Variants in PBX3 observed in about 807,000 individuals in gnomAD.
PBX3 encodes pre-B-cell leukemia transcription factor 3.
Under a neutral mutation model 48.5 loss-of-function variants are expected in PBX3, and 14 were observed. The observed-to-expected ratio is 0.29, with a 90% CI of 0.19 to 0.45. The LOEUF (loss-of-function observed/expected upper bound fraction) is 0.45. Among genes scored for constraint, PBX3 ranks in the 20% least tolerant of loss-of-function variants. The pLI is 1.00. For missense variants in PBX3, 386 were observed against 546.7 expected (o/e 0.71, Z 2.93); for synonymous variants, 210 against 200.3 (o/e 1.05, Z -0.41).
At chr9:125,855,386 CAT>C (rs774033574) in intron 2 of PBX3, among the ~76,000 whole-genome samples, 1 of 151,954 alleles carries the variant, frequency 6.6e-6, no homozygotes, top group African/African-American at 2.4e-5. Context: ...AATCTAGTAA[CAT>C]ATTTACAGAA....
At chr9:125,844,068 A>G (rs932229291) in intron 2 of PBX3, among the ~76,000 whole-genome samples, 2 of 152,140 alleles carry the variant, frequency 1.3e-5, no homozygotes, top group Non-Finnish European at 2.9e-5. Context: ...ATAAAATGAA[A>G]GTGACATAAA....
intron 2 of PBX3, among the ~76,000 whole-genome samples, chr9:125,863,826 A>G (rs760411540): frequency 5.3e-5 from 8 of 151,984 alleles, no homozygotes; most frequent in African/African-American, 9.7e-5. Flanking sequence ...TTCTCTTTTT[A>G]CTAATCATAC....
At chr9:125,911,548 C>T (rs574863074) in intron 2 of PBX3, among the ~76,000 whole-genome samples, 1 of 152,028 alleles carries the variant, frequency 6.6e-6, no homozygotes, top group Non-Finnish European at 1.5e-5. Context: ...TCGCTTATTT[C>T]AAAGCAGTCA....
chr9:125,796,901 C>T (rs572753954), intron 2 of PBX3, among the ~76,000 whole-genome samples: 45 of 152,064 alleles, frequency 3.0e-4, no homozygotes, highest in African/African-American at 1.1e-3. Flanking sequence ...CACCAATGCC[C>T]TCTTATATTT....
chr9:125,956,368 A>G (rs537434254), intron 5 of PBX3, among the ~76,000 whole-genome samples: 1 of 152,368 alleles, frequency 6.6e-6, no homozygotes, highest in East Asian at 1.9e-4. Flanking sequence ...GATAATGAGT[A>G]AAAGCTTTTT....
In PBX3 at chr9:125,780,799, C is replaced by T. The variant is rs1474455742; in HGVS notation, c.274+32176C>T. On this transcript the variant is annotated intron_variant, in intron 2 of 8. Transcript: ENST00000373489. ...CTGACCCCCCCACCTCCCTCCCGGA[C>T]GGGGCGGCTGCCGGGCGGAGACGCT... 2.2e-4 allele frequency among the ~76,000 whole-genome samples: 31 copies of T among 143,950 alleles called. No homozygotes were observed. The East Asian group carries it at 5.0e-3, about 23-fold the overall frequency. The allele number at this position is 143,950 out of a possible 152,430, so 94.4% of individuals were successfully genotyped here. A position where few individuals can be genotyped will look rare whatever the true frequency, so the allele number is the denominator to read the frequency against.
intron 2 of PBX3, among the ~76,000 whole-genome samples, chr9:125,781,255 C>A (rs997664189): frequency 6.6e-6 from 1 of 151,400 alleles, no homozygotes; most frequent in African/African-American, 2.4e-5. Context: ...AACCAGACTC[C>A]GTCTGTAATC....
At chr9:125,843,533 C>T (rs12683881) in intron 2 of PBX3, among the ~76,000 whole-genome samples, 3,026 of 152,082 alleles carry the variant, frequency 0.02, 167 homozygotes, top group East Asian at 0.17. Flanking sequence ...CACTTTCCAC[C>T]GGCTGGATGC....
chr9:125,756,514 G>A (rs1437137775), intron 2 of PBX3, among the ~76,000 whole-genome samples: 1 of 152,260 alleles, frequency 6.6e-6, no homozygotes, highest in South Asian at 2.1e-4. Flanking sequence ...TATTTGCTGG[G>A]TATGGTTAGA....
intron 2 of PBX3, among the ~76,000 whole-genome samples, chr9:125,800,370 A>G (rs549959958): frequency 2.5e-4 from 38 of 152,336 alleles, no homozygotes; most frequent in African/African-American, 8.9e-4. Flanking sequence ...TATATATTCT[A>G]CTAAGAAACT....
chr9:125,794,801 G>A (rs1439246057), intron 2 of PBX3, among the ~76,000 whole-genome samples: 1 of 151,478 alleles, frequency 6.6e-6, no homozygotes, highest in East Asian at 1.9e-4. Context: ...AACAAGGTTG[G>A]GCAACCAGAG....
chr9:125,926,834 A>G (rs1185483390), intron 3 of PBX3, among the ~76,000 whole-genome samples: 1 of 152,218 alleles, frequency 6.6e-6, no homozygotes, highest in Non-Finnish European at 1.5e-5. Context: ...AAAAATAGTA[A>G]TAAGATAAAA....
chr9:125,899,846 A>AT (rs1017846180), intron 2 of PBX3, among the ~76,000 whole-genome samples: 4 of 151,812 alleles, frequency 2.6e-5, no homozygotes, highest in East Asian at 1.9e-4. Flanking sequence ...TGGAGGCATT[A>AT]TTTTTTGTAA....
chr9:125,876,585 T>TAA (rs1469867126), intron 2 of PBX3, among the ~76,000 whole-genome samples: 2 of 152,186 alleles, frequency 1.3e-5, no homozygotes, highest in Non-Finnish European at 2.9e-5. Context: ...ATAATATATA[T>TAA]AACATCCAAA....
intron 2 of PBX3, among the ~76,000 whole-genome samples, chr9:125,754,117 A>G (rs1836448791): frequency 6.6e-6 from 1 of 152,082 alleles, no homozygotes; most frequent in Admixed American, 6.5e-5. Flanking sequence ...GCACTAACAC[A>G]TCAAGTTATA....
chr9:125,820,782 AT>A (rs571395432), intron 2 of PBX3, among the ~76,000 whole-genome samples: 12 of 152,138 alleles, frequency 7.9e-5, no homozygotes, highest in Non-Finnish European at 1.3e-4. Flanking sequence ...AAGTAGTAGT[AT>A]TTTTTTGGTC....
intron 2 of PBX3, among the ~76,000 whole-genome samples, chr9:125,874,549 A>C (rs1840203990): frequency 6.6e-6 from 1 of 152,182 alleles, no homozygotes; most frequent in South Asian, 2.1e-4. Context: ...AGAAGACTTG[A>C]ACAATACTAT....
At position 125,847,643 on chromosome 9, in the gene PBX3, AGTG is replaced by A. The variant is rs1392480032; in HGVS notation, c.275-68041_275-68039del. On this transcript the variant is annotated intron_variant, in intron 2 of 8. Coordinates refer to ENST00000373489, the MANE Select transcript of PBX3 (RefSeq NM_006195.6). The stretch of plus-strand genomic sequence containing the variant: ...TATTATATAATGGTTACCTTTCAGT[AGTG>A]GCATTAGGATTTTTAACATTTTTTT... 2.0e-5 allele frequency among the ~76,000 whole-genome samples: 3 copies of A among 151,998 alleles called. No homozygotes were observed. In the East Asian group the frequency reaches 5.8e-4, roughly 29 times the overall value.
intron 2 of PBX3, among the ~76,000 whole-genome samples, 154 bp downstream of exon 2, chr9:125,748,777 AT>A (rs1260668052): frequency 2.0e-5 from 3 of 152,248 alleles, no homozygotes; most frequent in Admixed American, 6.5e-5. Context: ...AAAAACTGCA[AT>A]AAATCTGGAG....
Sources: allele counts gnomAD v4.1 joint callset (sites outside exome capture counted in the v4.1 genomes callset), GRCh38; gene constraint gnomAD v4.1.1; transcripts MANE v1.5; gene names NCBI Gene and HGNC (gene_info 2026-07-23, HGNC 2026-07-21).